PARVA: variants seen among roughly 807,000 people sequenced by gnomAD.
PARVA encodes parvin alpha.
A neutral mutation model predicts 52.6 loss-of-function variants in PARVA; 25 were observed. The ratio of observed to expected loss-of-function variants is 0.48; its 90% CI spans 0.35 to 0.66. The LOEUF (loss-of-function observed/expected upper bound fraction) is 0.66, where lower values mean the gene tolerates loss of function less well. PARVA is among the 30% of genes least tolerant of loss of function. The pLI is 0.01. For missense variants in PARVA, 373 were observed against 450.9 expected, an observed-to-expected ratio of 0.83 and a Z score of 1.56; for synonymous variants, 185 against 179.1, an observed-to-expected ratio of 1.03 and a Z score of -0.26.
intron 4 of PARVA, among the ~76,000 whole-genome samples, chr11:12,485,666 A>C (rs1470933552): frequency 2.0e-5 from 3 of 152,056 alleles, no homozygotes; most frequent in African/African-American, 7.2e-5. Flanking sequence ...CAAAAAGACA[A>C]CTCTGCCTTA....
chr11:12,424,623 T>A lies in PARVA; in HGVS notation c.136+46840T>A, dbSNP rs1940200482. Among the ~76,000 whole-genome samples the A allele has an allele frequency of 3.3e-5, 5 of 152,304 alleles. No individual in the cohort carries two copies. The South Asian group carries it at 1.0e-3, about 32-fold the overall frequency. On this transcript the variant is annotated intron_variant, in intron 1 of 12. Coordinates refer to ENST00000334956, the MANE Select transcript of PARVA (RefSeq NM_018222.5). ...CCAGTTGTACTGGACAGTGCGGAAA[T>A]AAATATTTCCATCATTGCAGAAAGT...
chr11:12,476,693 C>T (rs1055720755), intron 3 of PARVA, among the ~76,000 whole-genome samples: 3 of 152,090 alleles, frequency 2.0e-5, no homozygotes, highest in Admixed American at 6.6e-5. Flanking sequence ...TAAGCCTCTC[C>T]AGGACAGAGG....
At chr11:12,434,630 T>C (rs1229972191) in intron 1 of PARVA, among the ~76,000 whole-genome samples, 1 of 152,138 alleles carries the variant, frequency 6.6e-6, no homozygotes, top group African/African-American at 2.4e-5. Context: ...CACCTCCTGG[T>C]CTCTTCTACT....
intron 1 of PARVA, among the ~76,000 whole-genome samples, chr11:12,407,454 G>GT (rs1304745374): frequency 6.6e-6 from 1 of 152,330 alleles, no homozygotes; most frequent in East Asian, 1.9e-4. Context: ...ATGAAAGGAT[G>GT]TTTTTTAATG....
Position 12,530,829 on chromosome 11 carries a change from T to C in PARVA, c.*2904T>C, listed in dbSNP as rs1941763940. Reference sequence around the variant, plus strand: ...TGAGCACTTCATAAATCCAAATGCGTATCTCCAGTCTGCTCGAGCTAGGAA... The same window carrying C: ...TGAGCACTTCATAAATCCAAATGCGCATCTCCAGTCTGCTCGAGCTAGGAA... On this transcript the variant is annotated 3_prime_UTR_variant, in exon 13 of 13. Coordinates refer to ENST00000334956, the MANE Select transcript of PARVA (RefSeq NM_018222.5). 1.3e-5 allele frequency: 2 copies of C among 152,138 alleles called. No individual in the cohort carries two copies. Among genetic ancestry groups the C allele is most frequent in the Admixed American group, 1.3e-4 (2 of 15,278 alleles). 9.4% of individuals were successfully genotyped at this position (152,138 alleles called of 1,614,324 possible). A position where few individuals can be genotyped will look rare whatever the true frequency, so the allele number is the denominator to read the frequency against.
At chr11:12,506,767 TTGG>T (rs1371732324) in intron 6 of PARVA, among the ~76,000 whole-genome samples, 3 of 152,202 alleles carry the variant, frequency 2.0e-5, no homozygotes, top group Non-Finnish European at 2.9e-5. Flanking sequence ...AGACTCAGAA[TTGG>T]TGGTGAGTCA....
At chr11:12,474,155 TTGTTTAAGTGTGGGATGTGACAAA>T (rs1940973241) in intron 3 of PARVA, among the ~76,000 whole-genome samples, 172 bp downstream of exon 3, 1 of 151,910 alleles carries the variant, frequency 6.6e-6, no homozygotes, top group South Asian at 2.1e-4. Flanking sequence ...ACGTAACCGA[TTGTTTAAGTGTGGGATGTGACAAA>T]TGCCCAGTGA....
intron 1 of PARVA, among the ~76,000 whole-genome samples, chr11:12,423,660 A>G (rs1234709520): frequency 6.6e-6 from 1 of 152,204 alleles, no homozygotes; most frequent in African/African-American, 2.4e-5. Flanking sequence ...AGTTATGGAT[A>G]TAATATACTT....
chr11:12,421,013 G>A (rs551407147), intron 1 of PARVA, among the ~76,000 whole-genome samples: 1 of 139,900 alleles, frequency 7.1e-6, no homozygotes, highest in Non-Finnish European at 1.6e-5. Context: ...CAGCATGTTA[G>A]GACTTTTTTT....
chr11:12,377,854 A>T (rs148867477), intron 1 of PARVA, 71 bp downstream of exon 1: 130 of 1,221,364 alleles, frequency 1.1e-4, no homozygotes, highest in Admixed American at 4.1e-5. Flanking sequence ...GGGCCGGGGC[A>T]CTGGGACCGG....
At position 12,533,808 on chromosome 11, in the gene PARVA, C is replaced by CGGAGGAGGAGGAGGA. The variant is rs1554904930; in HGVS notation, c.*5894_*5908dup. 2.0e-5 allele frequency among the ~76,000 whole-genome samples: 3 copies of CGGAGGAGGAGGAGGA among 150,164 alleles called. No individual in the cohort carries two copies. The highest frequency in any genetic ancestry group is 4.4e-5 in the Non-Finnish European group (3 of 67,750). ...CCTCATGGTCATCACATTGAGTAGG[C>CGGAGGAGGAGGAGGA]GGAGGAGGAGGAGGAGGAGGAGGAG... On this transcript the variant is annotated 3_prime_UTR_variant, in exon 13 of 13. Transcript: ENST00000334956.
At chr11:12,422,152 C>A (rs958914415) in intron 1 of PARVA, among the ~76,000 whole-genome samples, 15 of 152,202 alleles carry the variant, frequency 9.9e-5, no homozygotes, top group Admixed American at 8.5e-4. Context: ...GGTCAATTCA[C>A]ATGATCACTT....
intron 1 of PARVA, among the ~76,000 whole-genome samples, chr11:12,386,376 G>A (rs781756503): frequency 4.6e-5 from 7 of 151,930 alleles, no homozygotes; most frequent in Non-Finnish European, 7.4e-5. Flanking sequence ...TACCTTTTCC[G>A]TTTCCTATAC....
intron 1 of PARVA, among the ~76,000 whole-genome samples, chr11:12,400,004 A>G (rs763533633): frequency 1.3e-5 from 2 of 152,206 alleles, no homozygotes; most frequent in Non-Finnish European, 2.9e-5. Flanking sequence ...TTCTTGATAG[A>G]TGGCAGAAGG....
rs868993 is a variant in PARVA at position 12,459,688 on chromosome 11, G to A, written c.137-14057G>A. On this transcript the variant is annotated intron_variant, in intron 1 of 12. Transcript: ENST00000334956. The stretch of plus-strand genomic sequence containing the variant: ...TAAAGTGATATTTTTATGGCATATA[G>A]AAATATAACAAGATTATATGACATG... Among the ~76,000 whole-genome samples, 305 of 152,178 alleles carry A rather than the reference G, an allele frequency of 2.0e-3. 1 individual carries two copies. The highest frequency in any genetic ancestry group is 7.0e-3 in the African/African-American group (291 of 41,526).
chr11:12,441,781 AT>A (rs1307360679), intron 1 of PARVA, among the ~76,000 whole-genome samples: 1 of 152,174 alleles, frequency 6.6e-6, no homozygotes, highest in Non-Finnish European at 1.5e-5. Flanking sequence ...TATTTTAATG[AT>A]TTTTCCCCCT....
At chr11:12,458,655 C>T (rs754083208) in intron 1 of PARVA, among the ~76,000 whole-genome samples, 1 of 152,188 alleles carries the variant, frequency 6.6e-6, no homozygotes, top group Non-Finnish European at 1.5e-5. Flanking sequence ...TGGGTGGGCA[C>T]AGCAGATGCT....
rs1589996379 is a variant in PARVA at position 12,532,681 on chromosome 11, C to T, written c.*4756C>T. Among the ~76,000 whole-genome samples, 2 of 152,208 alleles carry T rather than the reference C, an allele frequency of 1.3e-5. No homozygotes were observed. The highest frequency in any genetic ancestry group is 2.1e-4 in the South Asian group (1 of 4,816). ...TAGATTTAAGGTCATGAGAAGTCTC[C>T]GGCAAAGTGGCATTTTAAAGTAATC... On this transcript the variant is annotated 3_prime_UTR_variant, in exon 13 of 13. Transcript: ENST00000334956.
At chr11:12,497,342 G>T (rs1217367079) in intron 5 of PARVA, among the ~76,000 whole-genome samples, 1 of 152,100 alleles carries the variant, frequency 6.6e-6, no homozygotes, top group Non-Finnish European at 1.5e-5. Flanking sequence ...TAAAAGATTA[G>T]ATTAGACTGT....
Sources: gnomAD v4.1 joint callset for allele counts (sites outside exome capture counted in the v4.1 genomes callset) on GRCh38, gnomAD v4.1.1 for gene constraint, MANE v1.5 for transcripts, NCBI Gene and HGNC (gene_info 2026-07-23, HGNC 2026-07-21) for gene names.